The following PSD3 variants were observed in gnomAD, a reference collection of about 807,000 sequenced individuals.
PSD3 encodes the protein PH and SEC7 domain-containing protein 3.
Under a neutral mutation model 105.5 loss-of-function variants are expected in PSD3, and 49 were observed. That is an observed-to-expected ratio of 0.46 (90% confidence interval 0.37 to 0.59). The LOEUF (loss-of-function observed/expected upper bound fraction) is 0.59, where lower values mean the gene tolerates loss of function less well. Ranked by LOEUF, PSD3 falls within the 20% of genes least tolerant of loss-of-function variation. PSD3 has a pLI of 0.00. For missense variants in PSD3, 1,561 were observed against 1,263.8 expected (o/e 1.24, Z -3.57); for synonymous variants, 557 against 457.8 (o/e 1.22, Z -2.77).
intron 1 of PSD3, among the ~76,000 whole-genome samples, chr8:19,033,802 AT>A (rs1226941511): frequency 1.3e-5 from 2 of 152,082 alleles, no homozygotes; most frequent in African/African-American, 4.8e-5. Context: ...AACTGTATGG[AT>A]TTTAGTGGTT....
chr8:18,571,935 G>C (rs2130326178), intron 14 of PSD3, among the ~76,000 whole-genome samples: 1 of 152,254 alleles, frequency 6.6e-6, no homozygotes, highest in East Asian at 1.9e-4. Context: ...AGTGAAAAAG[G>C]ACATGATAAA....
chr8:18,591,964 C>G (rs182017471), intron 12 of PSD3, among the ~76,000 whole-genome samples: 3 of 152,134 alleles, frequency 2.0e-5, no homozygotes, highest in Non-Finnish European at 4.4e-5. Flanking sequence ...GCAAGCCAGT[C>G]TCTATACTGG....
intron 1 of PSD3, among the ~76,000 whole-genome samples, chr8:18,977,515 G>A (rs1280403800): frequency 1.3e-5 from 2 of 152,028 alleles, no homozygotes; most frequent in African/African-American, 2.4e-5. Flanking sequence ...ATGTCACATG[G>A]ACTGAGAGAT....
chr8:18,738,780 T>C (rs955175325), intron 9 of PSD3, among the ~76,000 whole-genome samples: 1 of 152,002 alleles, frequency 6.6e-6, no homozygotes, highest in Admixed American at 6.6e-5. Flanking sequence ...CCAGAAATGC[T>C]ATTCTTGGAT....
chr8:18,748,947 A>G (rs994874719), intron 9 of PSD3, among the ~76,000 whole-genome samples: 1 of 152,220 alleles, frequency 6.6e-6, no homozygotes, highest in Non-Finnish European at 1.5e-5. Flanking sequence ...TGGAGCTTTT[A>G]AAAGTTTAGA....
At chr8:19,072,124 C>T (rs1436062585) in intron 1 of PSD3, among the ~76,000 whole-genome samples, 2 of 125,826 alleles carry the variant, frequency 1.6e-5, no homozygotes, top group African/African-American at 2.8e-5. Context: ...TTTTTTGTGA[C>T]GGAGTCTCCC....
intron 9 of PSD3, among the ~76,000 whole-genome samples, chr8:18,704,970 C>G (rs1275299042): frequency 1.3e-5 from 2 of 151,722 alleles, no homozygotes; most frequent in African/African-American, 4.8e-5. Flanking sequence ...GCAAGTTTTC[C>G]ATAAACATAA....
At chr8:18,730,784 C>A (rs1803690814) in intron 9 of PSD3, among the ~76,000 whole-genome samples, 1 of 152,042 alleles carries the variant, frequency 6.6e-6, no homozygotes, top group South Asian at 2.1e-4. Context: ...ATTCTGTGGG[C>A]ACTGTTTTTC....
intron 2 of PSD3, among the ~76,000 whole-genome samples, chr8:18,880,973 G>C (rs566719402): frequency 1.3e-5 from 2 of 152,224 alleles, no homozygotes; most frequent in Non-Finnish European, 2.9e-5. Context: ...GTAGAGTGTG[G>C]AGGAGGGAAG....
intron 9 of PSD3, among the ~76,000 whole-genome samples, chr8:18,754,170 G>C (rs1270187717): frequency 6.6e-6 from 1 of 152,140 alleles, no homozygotes; most frequent in Non-Finnish European, 1.5e-5. Context: ...GATTACCTGA[G>C]GTCAGGAGTT....
At chr8:18,581,304 C>T (rs995963422) in intron 12 of PSD3, among the ~76,000 whole-genome samples, 3 of 152,242 alleles carry the variant, frequency 2.0e-5, no homozygotes, top group Admixed American at 1.3e-4. Flanking sequence ...GTCTTTTCTT[C>T]CATGAACGCT....
intron 4 of PSD3, among the ~76,000 whole-genome samples, chr8:18,838,387 A>C (rs972304995): frequency 3.3e-5 from 5 of 152,240 alleles, no homozygotes; most frequent in Admixed American, 2.6e-4. Context: ...TCTGCTTTAC[A>C]AAAGCATTTC....
At chr8:18,672,624 G>C (rs1563160929) in intron 9 of PSD3, among the ~76,000 whole-genome samples, 1 of 152,098 alleles carries the variant, frequency 6.6e-6, no homozygotes, top group African/African-American at 2.4e-5. Context: ...ATTTTTTAAA[G>C]AAACAAAGCA....
Position 18,715,317 on chromosome 8 carries a change from A to G in PSD3, c.2172+50132T>C, listed in dbSNP as rs112008535. On this transcript the variant is annotated intron_variant, in intron 9 of 15. Coordinates refer to ENST00000327040, the MANE Select transcript of PSD3 (RefSeq NM_015310.4). ...AGTCACAAACCACTAAATTAACATA[A>G]TGACCCATTAATAGGTTACAATCTA... 1.5e-3 allele frequency among the ~76,000 whole-genome samples: 229 copies of G among 152,300 alleles called. 1 individual carries two copies. The highest frequency in any genetic ancestry group is 5.1e-3 in the African/African-American group (214 of 41,558).
At chr8:18,839,156 A>C (rs1448666971) in intron 4 of PSD3, among the ~76,000 whole-genome samples, 1 of 151,990 alleles carries the variant, frequency 6.6e-6, no homozygotes, top group African/African-American at 2.4e-5. Context: ...AAGAGCCGCA[A>C]TTGCTTCCCA....
intron 8 of PSD3, among the ~76,000 whole-genome samples, chr8:18,775,898 CCGACCCCCTGCAAAATCTTTA>C (rs1184655188): frequency 6.6e-6 from 1 of 152,102 alleles, no homozygotes; most frequent in African/African-American, 2.4e-5. Context: ...CCCTCCCCCG[CCGACCCCCTGCAAAATCTTTA>C]CTCATCCCAC....
chr8:18,889,374 A>G (rs948318936), intron 2 of PSD3, among the ~76,000 whole-genome samples: 1 of 152,088 alleles, frequency 6.6e-6, no homozygotes, highest in Non-Finnish European at 1.5e-5. Context: ...AGAGACAGAA[A>G]ACACCCCTGT....
chr8:18,944,685 G>T (rs763046232), intron 1 of PSD3, among the ~76,000 whole-genome samples: 70 of 152,156 alleles, frequency 4.6e-4, no homozygotes, highest in South Asian at 6.2e-4. Context: ...AAGGCACTTA[G>T]GAACTATGTA....
In PSD3 at chr8:18,532,975, T is replaced by A. The variant is rs571934462; in HGVS notation, c.*2768A>T. On this transcript the variant is annotated 3_prime_UTR_variant, in exon 16 of 16. Transcript: ENST00000327040. ...GTCCCAAGGCTCCTGGGCGCTGAGGTGGGCGACGGAGGTGGGTGGCGTACC... is the reference window on the plus strand; with the variant it reads ...GTCCCAAGGCTCCTGGGCGCTGAGGAGGGCGACGGAGGTGGGTGGCGTACC... The A allele has an allele frequency of 6.6e-6, 1 of 152,218 alleles. No individual in the cohort carries two copies. The highest frequency in any genetic ancestry group is 1.5e-5 in the Non-Finnish European group (1 of 68,078). The allele number at this position is 152,218 out of a possible 1,614,324, so 9.4% of individuals were successfully genotyped here.
Sources: allele counts gnomAD v4.1 joint callset (sites outside exome capture counted in the v4.1 genomes callset), GRCh38; gene constraint gnomAD v4.1.1; transcripts MANE v1.5; gene names NCBI Gene and HGNC (gene_info 2026-07-23, HGNC 2026-07-21).